Variants in PPP1R1C observed in about 807,000 individuals in gnomAD.
The protein encoded by PPP1R1C is protein phosphatase 1 regulatory subunit 1C.
In PPP1R1C, 15 loss-of-function variants were observed where a neutral mutation model predicts 17.4. The ratio of observed to expected loss-of-function variants is 0.86; its 90% CI spans 0.58 to 1.33. PPP1R1C has a LOEUF of 1.33. Among genes scored for constraint, PPP1R1C ranks in the 40% most tolerant of loss-of-function variants. PPP1R1C has a pLI of 0.00. For synonymous variants in PPP1R1C, 35 were observed against 43.1 expected, an observed-to-expected ratio of 0.81 and a Z score of 0.73; for missense variants, 143 against 130.0, an observed-to-expected ratio of 1.10 and a Z score of -0.48.
At chr2:182,100,208 G>A (rs957895379) in intron 4 of PPP1R1C, among the ~76,000 whole-genome samples, 28 of 152,180 alleles carry the variant, frequency 1.8e-4, no homozygotes, top group Middle Eastern at 3.4e-3. Context: ...GGAGATTCCA[G>A]GGAAGATATA....
At chr2:182,098,794 A>G (rs1689017585) in intron 4 of PPP1R1C, among the ~76,000 whole-genome samples, 1 of 152,198 alleles carries the variant, frequency 6.6e-6, no homozygotes, top group African/African-American at 2.4e-5. Context: ...GCCTTATTCC[A>G]AAGTAAGCCC....
downstream of PPP1R1C, among the ~76,000 whole-genome samples, chr2:182,120,010 G>T (rs1646787013): frequency 6.6e-6 from 1 of 152,128 alleles, no homozygotes; most frequent in South Asian, 2.1e-4. Flanking sequence ...GTATTGCCTA[G>T]GTTTTCTTCT....
intron 2 of PPP1R1C, among the ~76,000 whole-genome samples, chr2:182,042,178 C>G (rs1687205873): frequency 6.6e-6 from 1 of 152,104 alleles, no homozygotes. Context: ...CCTTTTTTTA[C>G]TCTACTTATT....
intron 1 of PPP1R1C, among the ~76,000 whole-genome samples, chr2:181,963,339 A>G (rs933617031): frequency 6.6e-6 from 1 of 152,202 alleles, no homozygotes; most frequent in African/African-American, 2.4e-5. Context: ...ACCAAGGATA[A>G]ATATGAAATT....
At chr2:181,995,073 T>C (rs1232660801) in intron 2 of PPP1R1C, among the ~76,000 whole-genome samples, 1 of 152,202 alleles carries the variant, frequency 6.6e-6, no homozygotes, top group Admixed American at 6.5e-5. Context: ...ACAGGTAAAT[T>C]AATTATCAAT....
At chr2:182,101,803 C>T (rs1689104458) in intron 4 of PPP1R1C, among the ~76,000 whole-genome samples, 1 of 152,170 alleles carries the variant, frequency 6.6e-6, no homozygotes, top group Non-Finnish European at 1.5e-5. Flanking sequence ...GAGAAAAGCA[C>T]TTTCTCAAAG....
At chr2:182,087,756 G>A (rs925075663) in intron 4 of PPP1R1C, among the ~76,000 whole-genome samples, 99 of 152,318 alleles carry the variant, frequency 6.5e-4, no homozygotes, top group African/African-American at 1.9e-3. Context: ...AAATGAAGGA[G>A]AATTAGATGT....
chr2:182,009,815 G>A, intron 2 of PPP1R1C, among the ~76,000 whole-genome samples: 1 of 151,994 alleles, frequency 6.6e-6, no homozygotes, highest in South Asian at 2.1e-4. Context: ...TGAGAGATAG[G>A]GGTCTAGTTT....
chr2:181,987,738 T>G, intron 1 of PPP1R1C, 101 bp from the exon 2 acceptor site: 1 of 1,182,556 alleles, frequency 8.5e-7, no homozygotes, highest in Non-Finnish European at 1.2e-6. Flanking sequence ...TGCTTTTGCA[T>G]GTGGGGAAAA....
intron 2 of PPP1R1C, among the ~76,000 whole-genome samples, chr2:182,026,933 G>T (rs1686634766): frequency 7.3e-6 from 1 of 136,700 alleles, no homozygotes; most frequent in Non-Finnish European, 1.6e-5. Context: ...CACATCCCTT[G>T]TAAGTTGGAT....
intron 4 of PPP1R1C, among the ~76,000 whole-genome samples, chr2:182,108,347 A>G (rs1403681408): frequency 1.3e-5 from 2 of 152,002 alleles, no homozygotes; most frequent in Non-Finnish European, 2.9e-5. Context: ...TTCTCTTTTC[A>G]GACTCCTGGA....
At chr2:182,063,651 A>G (rs745897091) in intron 3 of PPP1R1C, 80 bp from the exon 4 acceptor site, 13 of 1,058,532 alleles carry the variant, frequency 1.2e-5, no homozygotes, top group Non-Finnish European at 1.9e-5. Context: ...ATGGCACAGT[A>G]TTTATTTCCC....
At chr2:182,045,562 T>G (rs1687318048) in intron 2 of PPP1R1C, among the ~76,000 whole-genome samples, 1 of 152,156 alleles carries the variant, frequency 6.6e-6, no homozygotes, top group Non-Finnish European at 1.5e-5. Context: ...CTTGTGATTT[T>G]AAGAATAAAT....
At chr2:182,115,181 A>G (rs1363152706) in intron 4 of PPP1R1C, among the ~76,000 whole-genome samples, 1 of 152,156 alleles carries the variant, frequency 6.6e-6, no homozygotes, top group Non-Finnish European at 1.5e-5. Flanking sequence ...CTGAATGATT[A>G]CTGTGTCTTA....
intron 4 of PPP1R1C, among the ~76,000 whole-genome samples, chr2:182,065,146 C>G (rs906933603): frequency 6.6e-6 from 1 of 152,032 alleles, no homozygotes; most frequent in Non-Finnish European, 1.5e-5. Flanking sequence ...CTTATACTCT[C>G]AAGTCTCCCC....
At chr2:182,030,591 C>T (rs1282905262) in intron 2 of PPP1R1C, among the ~76,000 whole-genome samples, 1 of 150,066 alleles carries the variant, frequency 6.7e-6, no homozygotes, top group East Asian at 2.0e-4. Flanking sequence ...CAGCTGCATG[C>T]TGGGAGAACC....
intron 4 of PPP1R1C, among the ~76,000 whole-genome samples, chr2:182,111,849 C>T (rs1374126093): frequency 1.3e-5 from 2 of 151,870 alleles, no homozygotes; most frequent in Admixed American, 1.3e-4. Flanking sequence ...CTTTCTAAGC[C>T]CACTGAAATC....
At chr2:181,977,970 T>C (rs777603218) in intron 2 of PPP1R1C, among the ~76,000 whole-genome samples, 15 of 152,212 alleles carry the variant, frequency 9.9e-5, no homozygotes, top group Non-Finnish European at 2.2e-4. Context: ...AATAAAGACC[T>C]ACCTGAGACT....
chr2:181,977,968 C>G (rs920400294), intron 2 of PPP1R1C, among the ~76,000 whole-genome samples: 1 of 152,082 alleles, frequency 6.6e-6, no homozygotes, highest in Non-Finnish European at 1.5e-5. Context: ...CTAATAAAGA[C>G]CTACCTGAGA....
Sources: allele counts gnomAD v4.1 joint callset (sites outside exome capture counted in the v4.1 genomes callset), GRCh38; gene constraint gnomAD v4.1.1; transcripts MANE v1.5; gene names NCBI Gene and HGNC (gene_info 2026-07-23, HGNC 2026-07-21).